Variants in ADGRD1 observed in about 807,000 individuals in gnomAD.
ADGRD1 encodes the protein adhesion G protein-coupled receptor D1, also known as G-protein coupled receptor 133.
A neutral mutation model predicts 113.4 loss-of-function variants in ADGRD1; 77 were observed. The ratio of observed to expected loss-of-function variants is 0.68; its 90% confidence interval spans 0.57 to 0.82. The LOEUF is 0.82. Ranked by LOEUF, ADGRD1 falls within the 40% of genes least tolerant of loss-of-function variation. The probability of loss-of-function intolerance (pLI) is 0.00; values close to 1 mark genes in which losing one functional copy is unlikely to be tolerated. For missense variants in ADGRD1, 1,036 were observed against 1,139.1 expected, an observed-to-expected ratio of 0.91 and a Z score of 1.30; for synonymous variants, 474 against 475.0, an observed-to-expected ratio of 1.00 and a Z score of 0.03.
At position 131,139,335 on chromosome 12, in the gene ADGRD1, T is replaced by A; in HGVS notation, c.*72T>A. On this transcript the variant is annotated 3_prime_UTR_variant, in exon 25 of 25. Transcript: ENST00000261654. ...CCCAAACAGAATGAAATGCCCCACC[T>A]TTGCCCATGGACCCTCTCCTTGCTG... The A allele has an allele frequency of 3.8e-6, 4 of 1,040,484 alleles. No homozygotes were observed. Among genetic ancestry groups the A allele is most frequent in the Non-Finnish European group, 5.8e-6 (4 of 691,070 alleles). 64.5% of individuals were successfully genotyped at this position (1,040,484 alleles called of 1,614,324 possible).
intron 20 of ADGRD1, among the ~76,000 whole-genome samples, chr12:131,127,206 T>C (rs916275582): frequency 1.3e-5 from 2 of 152,270 alleles, no homozygotes; most frequent in East Asian, 1.9e-4. Context: ...TTAACTGTTA[T>C]GAAACACTTA....
intron 5 of ADGRD1, 161 bp from the exon 6 acceptor site, chr12:130,986,934 G>C: frequency 1.6e-6 from 1 of 620,336 alleles, no homozygotes; most frequent in Non-Finnish European, 2.8e-6. Context: ...CCAAAGGACT[G>C]GGGAAAGTCA....
rs2137211358 is a variant in ADGRD1 at position 131,084,523 on chromosome 12, T to A, written c.1548-17T>A. 1 of 1,614,040 alleles carries A rather than the reference T, an allele frequency of 6.2e-7. No individual in the cohort carries two copies. The highest frequency in any genetic ancestry group is 2.2e-5 in the East Asian group (1 of 44,872). On this transcript the variant is annotated splice_polypyrimidine_tract_variant and intron_variant, in intron 14 of 24. Coordinates refer to ENST00000261654, the MANE Select transcript of ADGRD1 (RefSeq NM_198827.5). This position sits in a 1 kb window ranked among gnomAD's most constrained non-coding sequence, Gnocchi z 4.5. ...GTGCGGTGCTACCTCCTCTGATCCT[T>A]TCTCCTGTGTCCTCAGCTCCGGAGA...
chr12:130,967,190 C>T, intron 3 of ADGRD1: 1 of 376,322 alleles, frequency 2.7e-6, no homozygotes, highest in Non-Finnish European at 5.6e-6. Context: ...TGAAGGGCCC[C>T]CGTTTCATTC....
At chr12:131,042,986 C>T (rs766864089) in intron 13 of ADGRD1, among the ~76,000 whole-genome samples, 13 of 152,246 alleles carry the variant, frequency 8.5e-5, no homozygotes, top group Non-Finnish European at 1.9e-4. Flanking sequence ...CCCCGCCCTG[C>T]GGCCCTGCCA....
intron 13 of ADGRD1, among the ~76,000 whole-genome samples, chr12:131,063,252 A>C (rs1884479396): frequency 6.6e-6 from 1 of 152,176 alleles, no homozygotes; most frequent in Non-Finnish European, 1.5e-5. Context: ...TCTGCAGCTT[A>C]TCTTTTTATC....
At chr12:130,980,161 G>A (rs1319197054) in intron 4 of ADGRD1, among the ~76,000 whole-genome samples, 8 of 150,810 alleles carry the variant, frequency 5.3e-5, no homozygotes, top group Non-Finnish European at 8.9e-5. Flanking sequence ...CTGGAGTGCA[G>A]TGGCACAATC....
At chr12:131,103,977 A>G (rs1005825310) in intron 15 of ADGRD1, among the ~76,000 whole-genome samples, 1 of 152,146 alleles carries the variant, frequency 6.6e-6, no homozygotes. Context: ...TCTGAGCTTG[A>G]GGCCCCGACT....
chr12:131,071,753 C>T (rs1419443647), intron 13 of ADGRD1, among the ~76,000 whole-genome samples: 1 of 152,154 alleles, frequency 6.6e-6, no homozygotes, highest in Non-Finnish European at 1.5e-5. Context: ...GATGCGGGCA[C>T]CAGGGTGCTC....
chr12:131,103,768 TGGGTCTG>T (rs1288396617), intron 15 of ADGRD1, among the ~76,000 whole-genome samples: 1 of 152,276 alleles, frequency 6.6e-6, no homozygotes, highest in South Asian at 2.1e-4. Context: ...CGGGGGGACG[TGGGTCTG>T]GGGTCTGGGG....
rs756052127 is a variant in ADGRD1, at chr12:130,954,520, T to C, written c.55T>C (p.Tyr19His). Reference sequence around the variant, plus strand: ...GTACTCCTGGCTGCTGCTATTTTATTACAACTTTCAGGTAATGTCCCCAAG... The same window carrying C: ...GTACTCCTGGCTGCTGCTATTTTATCACAACTTTCAGGTAATGTCCCCAAG... ...CWYSWLLLFY[Y>H]NFQVRGVYSR... is the part of the protein sequence containing the mutation. Residue 19 changes from tyrosine (Y) to histidine (H), a missense_variant, in exon 1 of 25, where the codon TAC becomes CAC. By Grantham distance (83) the Tyr-to-His change is moderately conservative. Transcript: ENST00000261654. This position sits in a 1 kb window ranked among gnomAD's most constrained non-coding sequence, Gnocchi z 4.7. 7 of 1,606,430 alleles carry C rather than the reference T, an allele frequency of 4.4e-6. No homozygotes were observed. The highest frequency in any genetic ancestry group is 6.0e-6 in the Non-Finnish European group (7 of 1,175,246).
At chr12:131,068,448 T>C (rs1884897568) in intron 13 of ADGRD1, among the ~76,000 whole-genome samples, 1 of 152,170 alleles carries the variant, frequency 6.6e-6, no homozygotes, top group African/African-American at 2.4e-5. Context: ...TGGAGTGGGA[T>C]GAGCTTGGCC....
chr12:130,986,166 G>A (rs1873645813), intron 5 of ADGRD1, among the ~76,000 whole-genome samples: 1 of 152,030 alleles, frequency 6.6e-6, no homozygotes, highest in South Asian at 2.1e-4. Context: ...CTTCTCCATA[G>A]TTTATCAATA....
chr12:131,133,206 GT>G (rs752034069), intron 21 of ADGRD1, among the ~76,000 whole-genome samples: 6 of 151,972 alleles, frequency 3.9e-5, no homozygotes, highest in Non-Finnish European at 5.9e-5. Context: ...TCACCTCAGC[GT>G]TCAGGGTCAG....
intron 13 of ADGRD1, among the ~76,000 whole-genome samples, chr12:131,021,667 C>T (rs1057090712): frequency 1.3e-5 from 2 of 152,138 alleles, no homozygotes; most frequent in African/African-American, 4.8e-5. Flanking sequence ...CTCCCTATGT[C>T]CTCACATGGT....
chr12:131,131,545 T>TTG (rs1414975545), intron 20 of ADGRD1, among the ~76,000 whole-genome samples, 180 bp from the exon 21 acceptor site: 1 of 152,204 alleles, frequency 6.6e-6, no homozygotes, highest in Non-Finnish European at 1.5e-5. Flanking sequence ...AGCTTGCATG[T>TTG]TGTGTGTGTT....
chr12:131,001,980 G>A (rs960278603), intron 9 of ADGRD1, among the ~76,000 whole-genome samples: 4 of 152,214 alleles, frequency 2.6e-5, no homozygotes, highest in African/African-American at 9.7e-5. Context: ...CAAGTGGAAT[G>A]AGATTAGGTT....
At chr12:131,005,944 A>G in intron 11 of ADGRD1, 28 bp from the exon 12 acceptor site, 3 of 1,594,510 alleles carry the variant, frequency 1.9e-6, no homozygotes, top group South Asian at 1.1e-5. Flanking sequence ...GAGCGCTGAC[A>G]GCGCCTGCCC....
chr12:131,123,433 C>T (rs1950656055), intron 20 of ADGRD1, among the ~76,000 whole-genome samples: 1 of 152,098 alleles, frequency 6.6e-6, no homozygotes, highest in Admixed American at 6.5e-5. Flanking sequence ...TGACTCTCAG[C>T]ACAGCTGGCT....
Sources: gnomAD v4.1 joint callset for allele counts (sites outside exome capture counted in the v4.1 genomes callset) on GRCh38, gnomAD v4.1.1 for gene constraint, Gnocchi (gnomAD v3.1) non-coding constraint, MANE v1.5 for transcripts, NCBI Gene and HGNC (gene_info 2026-07-23, HGNC 2026-07-21) for gene names.